Variants in PLA2G6 observed in about 807,000 individuals in gnomAD.
PLA2G6 encodes the protein 85/88 kDa calcium-independent phospholipase A2.
A neutral mutation model predicts 83.8 loss-of-function variants in PLA2G6; 62 were observed. The ratio of observed to expected loss-of-function variants is 0.74; its 90% CI spans 0.60 to 0.91. PLA2G6 has a LOEUF of 0.91. Ranked by LOEUF, PLA2G6 falls within the 40% of genes least tolerant of loss-of-function variation. PLA2G6 has a pLI of 0.00. For missense variants in PLA2G6, 944 were observed against 1,102.0 expected (o/e 0.86, Z 2.03); for synonymous variants, 417 against 449.8 (o/e 0.93, Z 0.92).
intron 1 of PLA2G6, among the ~76,000 whole-genome samples, chr22:38,175,095 C>T (rs1344416293): frequency 2.0e-5 from 3 of 152,142 alleles, no homozygotes; most frequent in Non-Finnish European, 2.9e-5. Flanking sequence ...CTACCTGCCG[C>T]AGCTGCCAGG....
At chr22:38,164,192 G>C (rs2090128826) in intron 2 of PLA2G6, among the ~76,000 whole-genome samples, 1 of 152,182 alleles carries the variant, frequency 6.6e-6, no homozygotes, top group African/African-American at 2.4e-5. Context: ...CACACGGGGA[G>C]AGCCAGGGCC....
At chr22:38,135,611 G>A (rs769503983) in intron 5 of PLA2G6, 1 of 154,440 alleles carries the variant, frequency 6.5e-6, no homozygotes, top group African/African-American at 2.4e-5. Flanking sequence ...GTGTCCACCA[G>A]AGATCTTAGC....
intron 2 of PLA2G6, 33 bp downstream of exon 2, chr22:38,169,185 G>T (rs1184111702): frequency 6.5e-7 from 1 of 1,533,472 alleles, no homozygotes; most frequent in Non-Finnish European, 9.0e-7. Context: ...GGAGTGAAAG[G>T]AGAGAAGTAT....
At chr22:38,116,851 CAAAA>C (rs57712042) in intron 12 of PLA2G6, among the ~76,000 whole-genome samples, 8 of 37,646 alleles carry the variant, frequency 2.1e-4, no homozygotes, top group Admixed American at 8.7e-4. Flanking sequence ...AACTCCGTCT[CAAAA>C]AAAAAAAAAA....
At chr22:38,139,147 G>T (rs2088731055) in intron 5 of PLA2G6, 1 of 152,200 alleles carries the variant, frequency 6.6e-6, no homozygotes, top group Non-Finnish European at 1.5e-5. Context: ...CGGGCACTCG[G>T]CCACCTTACC....
intron 6 of PLA2G6, 46 bp from the exon 7 acceptor site, chr22:38,133,059 T>C (rs1225579206): frequency 6.6e-7 from 1 of 1,520,396 alleles, no homozygotes. Context: ...CTCGGGGAGC[T>C]GCCGCACCCC....
intron 14 of PLA2G6, among the ~76,000 whole-genome samples, chr22:38,114,760 C>T (rs1162472992): frequency 6.6e-6 from 1 of 152,256 alleles, no homozygotes; most frequent in Non-Finnish European, 1.5e-5. Flanking sequence ...AAGGATGCAG[C>T]TCAGGCTCCC....
rs982629617 is a variant in PLA2G6 at position 38,181,753 on chromosome 22, C to T, written c.-135G>A. ...GCCGAGGAAGTTGGGGAACGGACCC[C>T]CAGGCCCCGCCCACCCGCGAGGTCA... On this transcript the variant is annotated 5_prime_UTR_variant, in exon 1 of 17. Coordinates refer to ENST00000332509, the MANE Select transcript of PLA2G6 (RefSeq NM_003560.4). 1 of 152,244 alleles carries T rather than the reference C, an allele frequency of 6.6e-6. No homozygotes were observed. The highest frequency in any genetic ancestry group is 1.5e-5 in the Non-Finnish European group (1 of 68,048). The allele number at this position is 152,244 out of a possible 1,614,324, so 9.4% of individuals were successfully genotyped here. A position where few individuals can be genotyped will look rare whatever the true frequency, so the allele number is the denominator to read the frequency against.
At chr22:38,181,388 G>C (rs2090841070) in intron 1 of PLA2G6, among the ~76,000 whole-genome samples, 1 of 152,166 alleles carries the variant, frequency 6.6e-6, no homozygotes, top group Admixed American at 6.5e-5. Context: ...AGCACAGGAA[G>C]GAAAATTAGG....
chr22:38,112,138 G>T lies in PLA2G6; in HGVS notation c.*23C>A, dbSNP rs747612137. 6.4e-7 allele frequency: 1 copy of T among 1,566,388 alleles called. No individual in the cohort carries two copies. Among genetic ancestry groups the T allele is most frequent in the Non-Finnish European group, 8.6e-7 (1 of 1,156,178 alleles). Reference sequence around the variant, plus strand: ...GGGCTGAATGGACGAGGTCAGCTGGGGCCGGTGAGAGGCTGGGGACCCTCA... The same window carrying T: ...GGGCTGAATGGACGAGGTCAGCTGGTGCCGGTGAGAGGCTGGGGACCCTCA... On this transcript the variant is annotated 3_prime_UTR_variant, in exon 17 of 17. Transcript: ENST00000332509.
At chr22:38,121,004 A>G in intron 11 of PLA2G6, 95 bp from the exon 12 acceptor site, 1 of 1,480,426 alleles carries the variant, frequency 6.8e-7, no homozygotes, top group Non-Finnish European at 9.3e-7. Flanking sequence ...AGGAGGTGGC[A>G]GGAGGAAGCG....
At position 38,162,691 on chromosome 22, in the gene PLA2G6, C is replaced by T. The variant is rs1027754602; in HGVS notation, c.209+6527G>A. Among the ~76,000 whole-genome samples the T allele has an allele frequency of 7.9e-5, 12 of 152,112 alleles. 1 individual carries two copies. The highest frequency in any genetic ancestry group is 6.6e-4 in the Admixed American group (10 of 15,264). ...TCTTTGAGGATGTGGGGGAGCACCC[C>T]AGGCTCGTAGATACCTATCACCGGG... On this transcript the variant is annotated intron_variant, in intron 2 of 16. Transcript: ENST00000332509.
chr22:38,145,865 T>C, intron 2 of PLA2G6: 1 of 582,778 alleles, frequency 1.7e-6, no homozygotes, highest in East Asian at 3.0e-5. Context: ...CATAATGGCG[T>C]TTAGGTTAGA....
intron 2 of PLA2G6, chr22:38,147,853 G>A (rs2089351700): frequency 6.5e-6 from 1 of 152,888 alleles, no homozygotes; most frequent in Non-Finnish European, 1.5e-5. Flanking sequence ...TGCTTGGCCC[G>A]AGCCTATGTT....
At position 38,126,382 on chromosome 22, in the gene PLA2G6, G is replaced by T; in HGVS notation, c.1416C>A (p.Asp472Glu). The T allele has an allele frequency of 6.2e-7, 1 of 1,613,048 alleles. No homozygotes were observed. The stretch of plus-strand genomic sequence containing the variant: ...CTCGATCCACTTACGTCCGCTTCTC[G>T]TCCCTCATGGAGCCCAGGATGAACG... ...KPAFILGSMR[D>E]EKRTHDHLLC... Residue 472 changes from aspartate to glutamate, a missense_variant, in exon 10 of 17, where the codon GAC becomes GAA. Asp to Glu is a conservative substitution (Grantham distance 45). Coordinates refer to ENST00000332509, the MANE Select transcript of PLA2G6 (RefSeq NM_003560.4).
At chr22:38,113,750 G>T (rs755275863) in intron 14 of PLA2G6, 96 bp from the exon 15 acceptor site, 1 of 1,132,636 alleles carries the variant, frequency 8.8e-7, no homozygotes, top group South Asian at 1.2e-5. Flanking sequence ...TGGGCTCTGG[G>T]GCACATGAGA....
At chr22:38,160,985 T>C (rs550228277) in intron 2 of PLA2G6, among the ~76,000 whole-genome samples, 1 of 152,312 alleles carries the variant, frequency 6.6e-6, no homozygotes, top group East Asian at 1.9e-4. Context: ...TTGTGATAAA[T>C]CACTGAGCTG....
At chr22:38,174,356 T>C (rs901478203) in intron 1 of PLA2G6, among the ~76,000 whole-genome samples, 4 of 151,038 alleles carry the variant, frequency 2.6e-5, no homozygotes, top group Admixed American at 6.6e-5. Context: ...CGAGATCATG[T>C]CACTGCACTC....
In PLA2G6 at chr22:38,128,124, C is replaced by A; in HGVS notation, c.1348+145G>T. ...CTGGGATCTGTGGGTTGCTGGCTGC[C>A]TAGAGGCTGACAACTCCGGCCCCAT... On this transcript the variant is annotated intron_variant, in intron 9 of 16. Transcript: ENST00000332509. This position sits in a 1 kb window ranked among gnomAD's most constrained non-coding sequence, Gnocchi z 4.4. 1 of 816,202 alleles carries A rather than the reference C, an allele frequency of 1.2e-6. No homozygotes were observed. Among genetic ancestry groups the A allele is most frequent in the Non-Finnish European group, 2.0e-6 (1 of 495,628 alleles). The allele number at this position is 816,202 out of a possible 1,614,324, so 50.6% of individuals were successfully genotyped here.
Sources: gnomAD v4.1 joint callset for allele counts (sites outside exome capture counted in the v4.1 genomes callset) on GRCh38, gnomAD v4.1.1 for gene constraint, Gnocchi (gnomAD v3.1) non-coding constraint, MANE v1.5 for transcripts, NCBI Gene and HGNC (gene_info 2026-07-23, HGNC 2026-07-21) for gene names.